Variants in HEMK2 observed in about 807,000 individuals in gnomAD.
The protein encoded by HEMK2 is HemK methyltransferase 2, ETF1 glutamine and histone H4 lysine.
chr21:28,852,810 G>A, the HEMK2 span, among the ~76,000 whole-genome samples: 11 of 152,080 alleles, frequency 7.2e-5, no homozygotes, highest in Admixed American at 6.5e-4. Flanking sequence ...AGTAGGCTTC[G>A]TATCAATTTA....
chr21:28,722,938 G>C, the HEMK2 span, among the ~76,000 whole-genome samples: 1 of 151,648 alleles, frequency 6.6e-6, no homozygotes. Flanking sequence ...CATGAGAGGA[G>C]CCTGACTCTC....
chr21:28,674,003 G>A, the HEMK2 span, among the ~76,000 whole-genome samples: 1 of 152,154 alleles, frequency 6.6e-6, no homozygotes, highest in South Asian at 2.1e-4. Flanking sequence ...GAGGGTTAAG[G>A]CATTCTAAGT....
chr21:28,672,974 TAAA>T, the HEMK2 span, among the ~76,000 whole-genome samples: 1 of 88,374 alleles, frequency 1.1e-5, no homozygotes, highest in East Asian at 2.9e-4. Flanking sequence ...AGAAAAAAAA[TAAA>T]AAAAGAGAGA....
chr21:28,700,830 A>AACACACACACAC, the HEMK2 span, among the ~76,000 whole-genome samples: 41 of 150,868 alleles, frequency 2.7e-4, no homozygotes, highest in East Asian at 7.9e-3. Context: ...AGCTTGCAGA[A>AACACACACACAC]ACACACACAC....
chr21:28,713,072 G>T, the HEMK2 span, among the ~76,000 whole-genome samples: 3,639 of 152,210 alleles, frequency 0.024, 133 homozygotes, highest in African/African-American at 0.082. Flanking sequence ...TACTTTTCTG[G>T]TATTGCCTTT....
chr21:28,617,571 G>A, the HEMK2 span, among the ~76,000 whole-genome samples: 3 of 152,132 alleles, frequency 2.0e-5, no homozygotes, highest in East Asian at 1.9e-4. Context: ...GGCCATTGCC[G>A]CATGGAGAGA....
the HEMK2 span, among the ~76,000 whole-genome samples, chr21:28,786,667 CAAAAAAAA>C: frequency 1.1e-5 from 1 of 92,044 alleles, no homozygotes; most frequent in African/African-American, 3.7e-5. Flanking sequence ...GTGAGACTGT[CAAAAAAAA>C]AAAAAAAAGG....
chr21:28,646,629 T>C, the HEMK2 span, among the ~76,000 whole-genome samples: 1 of 152,220 alleles, frequency 6.6e-6, no homozygotes, highest in Non-Finnish European at 1.5e-5. Flanking sequence ...GTATTTTTCA[T>C]ATAGCATCAG....
chr21:28,645,773 G>C, the HEMK2 span, among the ~76,000 whole-genome samples: 438 of 152,288 alleles, frequency 2.9e-3, 2 homozygotes, highest in African/African-American at 0.01. Flanking sequence ...CTCATCATGT[G>C]AGGACACAAG....
At chr21:28,715,737 T>C in the HEMK2 span, among the ~76,000 whole-genome samples, 2 of 152,190 alleles carry the variant, frequency 1.3e-5, no homozygotes, top group Admixed American at 6.5e-5. Context: ...CACAAGAGTA[T>C]TTCCTTGATT....
the HEMK2 span, among the ~76,000 whole-genome samples, chr21:28,777,681 A>C: frequency 2.0e-5 from 3 of 152,344 alleles, 1 homozygote; most frequent in African/African-American, 7.2e-5. Context: ...CAAGAGGAGG[A>C]GATCTGGTCA....
chr21:28,637,941 T>C, the HEMK2 span, among the ~76,000 whole-genome samples: 3,616 of 152,296 alleles, frequency 0.024, 71 homozygotes, highest in Non-Finnish European at 0.036. Flanking sequence ...TTTATAGACA[T>C]GAAAATAAAT....
At chr21:28,874,627 T>G in the HEMK2 span, 2 of 152,282 alleles carry the variant, frequency 1.3e-5, no homozygotes, top group Non-Finnish European at 2.9e-5. Flanking sequence ...AGAGGCCTAC[T>G]AGTATCCACA....
At chr21:28,855,659 AAC>A in the HEMK2 span, among the ~76,000 whole-genome samples, 23 of 152,374 alleles carry the variant, frequency 1.5e-4, no homozygotes, top group South Asian at 2.1e-4. Flanking sequence ...AATTACATCA[AAC>A]ACACTCTCAG....
chr21:28,643,511 C>A, the HEMK2 span, among the ~76,000 whole-genome samples: 1 of 152,050 alleles, frequency 6.6e-6, no homozygotes, highest in Admixed American at 6.5e-5. Flanking sequence ...GACCCCTTCT[C>A]TAGAGAAAAA....
At chr21:28,718,394 C>G in the HEMK2 span, among the ~76,000 whole-genome samples, 5 of 152,058 alleles carry the variant, frequency 3.3e-5, no homozygotes, top group African/African-American at 1.2e-4. Flanking sequence ...AATGTATATT[C>G]TGTGGCTATT....
At chr21:28,791,533 G>A in the HEMK2 span, among the ~76,000 whole-genome samples, 110 of 152,256 alleles carry the variant, frequency 7.2e-4, no homozygotes, top group African/African-American at 2.5e-3. Context: ...CTTCCAACAA[G>A]ATTCCTCTTA....
the HEMK2 span, among the ~76,000 whole-genome samples, chr21:28,713,534 T>C: frequency 7.0e-3 from 1,064 of 152,242 alleles, 11 homozygotes; most frequent in African/African-American, 0.024. Context: ...GCTTTGCATG[T>C]ACAGTTCCTC....
the HEMK2 span, among the ~76,000 whole-genome samples, chr21:28,866,175 A>AAATAAC: frequency 2.6e-5 from 2 of 76,234 alleles, 1 homozygote; most frequent in Non-Finnish European, 5.0e-5. Context: ...CAAAAAAAAA[A>AAATAAC]ACACACACAC....
Sources: gnomAD v4.1 joint callset for allele counts (sites outside exome capture counted in the v4.1 genomes callset) on GRCh38, gnomAD v4.1.1 for gene constraint, MANE v1.5 for transcripts, NCBI Gene and HGNC (gene_info 2026-07-23, HGNC 2026-07-21) for gene names.